The following TMSB15B variants were observed in gnomAD, a reference collection of about 807,000 sequenced individuals.
TMSB15B encodes thymosin beta-15B.
chrX:103,943,615 C>A (rs1423789079), intron 1 of TMSB15B, among the ~76,000 whole-genome samples: 2 of 111,607 alleles, frequency 1.8e-5, no homozygotes, highest in African/African-American at 6.5e-5. Flanking sequence ...AACCACTTGG[C>A]GTGACATTCA....
At chrX:103,925,498 A>G (rs1248602989) in intron 1 of TMSB15B, among the ~76,000 whole-genome samples, 2 of 112,546 alleles carry the variant, frequency 1.8e-5, no homozygotes, top group Non-Finnish European at 3.7e-5. Flanking sequence ...CAATTTCTCT[A>G]TCAACTACTG....
At chrX:103,927,052 C>G (rs1235209533) in intron 1 of TMSB15B, among the ~76,000 whole-genome samples, 1 of 111,113 alleles carries the variant, frequency 9.0e-6, no homozygotes, top group Non-Finnish European at 1.9e-5. Flanking sequence ...TCCCAAAGTT[C>G]CTTCATATGT....
intron 1 of TMSB15B, chrX:103,928,719 G>A: frequency 8.6e-7 from 1 of 1,158,255 alleles, no homozygotes. Context: ...AGCAAGGCCT[G>A]GCCCATTGGG....
intron 1 of TMSB15B, among the ~76,000 whole-genome samples, chrX:103,943,422 A>G (rs1254867660): frequency 8.9e-6 from 1 of 112,392 alleles, no homozygotes; most frequent in African/African-American, 3.2e-5. Flanking sequence ...ATTAAAAATC[A>G]TTCAAGAATA....
rs1220470268 is a variant in TMSB15B at position 103,933,452 on chromosome X, G to A, written c.-721+14160G>A. 7.2e-5 allele frequency among the ~76,000 whole-genome samples: 8 copies of A among 111,095 alleles called. No individual in the cohort carries two copies. In the East Asian group the frequency reaches 1.7e-3, roughly 23 times the overall value. Reference sequence around the variant, plus strand: ...CTATCACCCATGTAATAACTAGCCCGGGCAAGAAATAGAGCCCTTTAATAA... The same window carrying A: ...CTATCACCCATGTAATAACTAGCCCAGGCAAGAAATAGAGCCCTTTAATAA... On this transcript the variant is annotated intron_variant, in intron 1 of 3. Coordinates refer to the TMSB15B transcript ENST00000419165.
intron 1 of TMSB15B, among the ~76,000 whole-genome samples, chrX:103,941,313 A>G (rs1467185383): frequency 8.9e-6 from 1 of 112,376 alleles, no homozygotes; most frequent in Non-Finnish European, 1.9e-5. Context: ...TAAACATAGG[A>G]GTGCAGACAT....
chrX:103,935,475 G>A (rs2074995080), intron 1 of TMSB15B, among the ~76,000 whole-genome samples: 1 of 112,102 alleles, frequency 8.9e-6, no homozygotes, highest in Admixed American at 9.4e-5. Flanking sequence ...ATGGTTTTAG[G>A]TCTTACGTTT....
intron 1 of TMSB15B, among the ~76,000 whole-genome samples, chrX:103,935,567 T>C (rs1306713): frequency 0.38 from 41,656 of 110,128 alleles, 5,781 homozygotes; most frequent in Admixed American, 0.53. Context: ...TATGGCTAGC[T>C]TGTTTTCCCA....
At chrX:103,928,358 A>C in intron 1 of TMSB15B, 1 of 1,209,634 alleles carries the variant, frequency 8.3e-7, no homozygotes, top group South Asian at 1.8e-5. Flanking sequence ...CTTCTCTCCA[A>C]GATGTTGCAA....
intron 1 of TMSB15B, chrX:103,928,285 A>C (rs1753112461): frequency 1.2e-5 from 15 of 1,201,261 alleles, no homozygotes; most frequent in Middle Eastern, 4.6e-4. Context: ...TGGCAGTGTC[A>C]GAGGCTGTGA....
At chrX:103,946,108 G>A (rs2075024910) in intron 1 of TMSB15B, among the ~76,000 whole-genome samples, 1 of 111,910 alleles carries the variant, frequency 8.9e-6, no homozygotes. Context: ...AGAGGCAAAG[G>A]ACTTTATTAC....
intron 1 of TMSB15B, among the ~76,000 whole-genome samples, chrX:103,943,483 A>G (rs1401622100): frequency 1.8e-5 from 2 of 112,272 alleles, no homozygotes; most frequent in African/African-American, 3.2e-5. Context: ...TTTCTTTTCA[A>G]TTATTAGACC....
chrX:103,944,633 C>A (rs1217762898), intron 1 of TMSB15B, among the ~76,000 whole-genome samples: 6 of 111,453 alleles, frequency 5.4e-5, no homozygotes, highest in Non-Finnish European at 1.1e-4. Flanking sequence ...TACCTCCCTT[C>A]CCTAGCTCTC....
chrX:103,951,566 T>C (rs2075039317), intron 1 of TMSB15B, among the ~76,000 whole-genome samples: 1 of 111,861 alleles, frequency 8.9e-6, no homozygotes, highest in Admixed American at 9.5e-5. Flanking sequence ...TGAAGTTAAA[T>C]TAAGATTAGT....
chrX:103,924,544 C>T (rs1556318467), intron 1 of TMSB15B, among the ~76,000 whole-genome samples: 1 of 111,633 alleles, frequency 9.0e-6, no homozygotes. Flanking sequence ...TCATTGTTTA[C>T]CCGTCTTCCC....
rs782631625 is a variant in TMSB15B at position 103,952,832 on chromosome X, A to G, written c.-720-9189A>G. ...CAAGGGATGTGGGGGGTGTGGTCTT[A>G]GACTTGGATCACTGGTTCAAACAAG... On this transcript the variant is annotated intron_variant, in intron 1 of 3. Transcript: ENST00000419165. Among the ~76,000 whole-genome samples the G allele has an allele frequency of 2.7e-5, 3 of 111,454 alleles. No individual in the cohort carries two copies. The East Asian group carries it at 8.5e-4, about 32-fold the overall frequency.
chrX:103,922,427 A>G (rs782032661), intron 1 of TMSB15B, among the ~76,000 whole-genome samples: 7 of 97,349 alleles, frequency 7.2e-5, no homozygotes, highest in African/African-American at 2.7e-4. Context: ...TCATTGTTCA[A>G]TTCCCACCTA....
intron 1 of TMSB15B, among the ~76,000 whole-genome samples, chrX:103,934,398 T>C (rs1556320667): frequency 9.0e-6 from 1 of 110,791 alleles, no homozygotes; most frequent in Non-Finnish European, 1.9e-5. Context: ...CCTGCAGGTT[T>C]GTAACGTAGG....
chrX:103,924,617 T>C (rs1245560749), intron 1 of TMSB15B, among the ~76,000 whole-genome samples: 1 of 111,739 alleles, frequency 8.9e-6, no homozygotes, highest in Non-Finnish European at 1.9e-5. Context: ...TCCATGGTGG[T>C]TTACCCCCAA....
Sources: gnomAD v4.1 joint callset for allele counts (sites outside exome capture counted in the v4.1 genomes callset) on GRCh38, gnomAD v4.1.1 for gene constraint, MANE v1.5 for transcripts, NCBI Gene and HGNC (gene_info 2026-07-23, HGNC 2026-07-21) for gene names.